Variants in MRPL42 observed in about 807,000 individuals in gnomAD.
The protein encoded by MRPL42 is large ribosomal subunit protein mL42.
Under a neutral mutation model 17.9 loss-of-function variants are expected in MRPL42, and 17 were observed. That is an observed-to-expected ratio of 0.95 (90% CI 0.65 to 1.42). The LOEUF (loss-of-function observed/expected upper bound fraction) is 1.42. Among genes scored for constraint, MRPL42 ranks in the 40% most tolerant of loss-of-function variants. MRPL42 has a pLI of 0.00. For missense variants in MRPL42, 177 were observed against 175.2 expected, an observed-to-expected ratio of 1.01 and a Z score of -0.06; for synonymous variants, 59 against 54.4, an observed-to-expected ratio of 1.08 and a Z score of -0.37.
Position 93,469,260 on chromosome 12 carries a change from C to G in MRPL42, c.-26C>G. 6.4e-7 allele frequency: 1 copy of G among 1,572,650 alleles called. No individual in the cohort carries two copies. Among genetic ancestry groups the G allele is most frequent in the Non-Finnish European group, 8.6e-7 (1 of 1,157,784 alleles). ...TCTCTTCAGAACATCTTTTTTCATA[C>G]CACTTGATAAGCATCTTGAAACACC... On this transcript the variant is annotated 5_prime_UTR_variant, in exon 2 of 6. Coordinates refer to ENST00000549982, the MANE Select transcript of MRPL42 (RefSeq NM_014050.4).
chr12:93,470,673 T>A, intron 2 of MRPL42: 1 of 609,214 alleles, frequency 1.6e-6, no homozygotes, highest in Non-Finnish European at 2.2e-6. Flanking sequence ...TGTCCATATG[T>A]ACCCAATGTT....
intron 4 of MRPL42, among the ~76,000 whole-genome samples, chr12:93,485,791 A>G (rs976823091): frequency 2.0e-5 from 3 of 152,026 alleles, no homozygotes; most frequent in Non-Finnish European, 4.4e-5. Context: ...ACCCTCCAAG[A>G]TAGTGATTCC....
rs1592790693 is a variant in MRPL42 at position 93,502,541 on chromosome 12, A to C, written c.*1320A>C. The C allele has an allele frequency of 6.6e-6, 1 of 152,186 alleles. No homozygotes were observed. The highest frequency in any genetic ancestry group is 1.9e-4 in the East Asian group (1 of 5,200). The allele number at this position is 152,186 out of a possible 1,614,324, so 9.4% of individuals were successfully genotyped here. On this transcript the variant is annotated 3_prime_UTR_variant, in exon 6 of 6. Coordinates refer to ENST00000549982, the MANE Select transcript of MRPL42 (RefSeq NM_014050.4). ...AGTGTGAGGAATAGAGAGTAAAGGA[A>C]ATAATTAATAATGGTGACCCTCTGT... is the stretch of plus-strand genomic sequence containing the variant.
chr12:93,472,754 A>T (rs10859495), intron 2 of MRPL42, among the ~76,000 whole-genome samples: 19,314 of 152,188 alleles, frequency 0.13, 1,546 homozygotes, highest in East Asian at 0.22. Flanking sequence ...AAAATTTCCC[A>T]AATGGTCAGT....
chr12:93,496,176 A>G (rs1459816310), intron 5 of MRPL42, among the ~76,000 whole-genome samples: 3 of 152,158 alleles, frequency 2.0e-5, no homozygotes, highest in Middle Eastern at 3.2e-3. Context: ...CTCCTGCCTC[A>G]GCCTCCCGAG....
chr12:93,500,136 A>G (rs1226150002), intron 5 of MRPL42, among the ~76,000 whole-genome samples: 1 of 152,204 alleles, frequency 6.6e-6, no homozygotes, highest in Admixed American at 6.6e-5. Context: ...CTCTATATCT[A>G]TACATAAGTT....
At chr12:93,499,979 G>A (rs369163876) in intron 5 of MRPL42, among the ~76,000 whole-genome samples, 1 of 152,104 alleles carries the variant, frequency 6.6e-6, no homozygotes, top group Non-Finnish European at 1.5e-5. Context: ...GGAAATTTTT[G>A]AACGTAACTC....
rs1328803908 is a variant in MRPL42 at position 93,485,020 on chromosome 12, A to G, written c.220-2477A>G. ...TATATATATATATATATATATATATATATATATAAACAGAGATGGGGGGTC... is the reference window on the plus strand; with the variant it reads ...TATATATATATATATATATATATATGTATATATAAACAGAGATGGGGGGTC... On this transcript the variant is annotated intron_variant, in intron 4 of 5. Transcript: ENST00000549982. Among the ~76,000 whole-genome samples, 3 of 130,016 alleles carry G rather than the reference A, an allele frequency of 2.3e-5. No individual in the cohort carries two copies. The Admixed American group carries it at 2.5e-4, about 11-fold the overall frequency. 85.3% of individuals were successfully genotyped at this position (130,016 alleles called of 152,430 possible).
chr12:93,487,819 C>T (rs1026026658), intron 5 of MRPL42, 159 bp downstream of exon 5: 1 of 605,804 alleles, frequency 1.7e-6, no homozygotes, highest in East Asian at 3.3e-5. Context: ...TTTTCTGAGA[C>T]AGGATCTCGC....
chr12:93,483,234 C>G (rs548130571), intron 4 of MRPL42, among the ~76,000 whole-genome samples: 108 of 152,318 alleles, frequency 7.1e-4, no homozygotes, highest in African/African-American at 2.5e-3. Context: ...GCTTGTCTCC[C>G]TTTCTACTTT....
rs1953715026 is a variant in MRPL42 at position 93,510,385 on chromosome 12, T to G, written c.*9164T>G. 6.6e-6 allele frequency: 1 copy of G among 152,242 alleles called. No individual in the cohort carries two copies. Among genetic ancestry groups the G allele is most frequent in the African/African-American group, 2.4e-5 (1 of 41,456 alleles). 9.4% of individuals were successfully genotyped at this position (152,242 alleles called of 1,614,324 possible). A position where few individuals can be genotyped will look rare whatever the true frequency, so the allele number is the denominator to read the frequency against. On this transcript the variant is annotated 3_prime_UTR_variant, in exon 6 of 6. Coordinates refer to ENST00000549982, the MANE Select transcript of MRPL42 (RefSeq NM_014050.4). ...GATTGCTTCCAAGTTTTGGCAATTA[T>G]GAATAAAATTGCTATAGATATCCAT...
At position 93,487,482 on chromosome 12, in the gene MRPL42, C is replaced by T; in HGVS notation, c.220-15C>T. ...TCCCACATCTTCATGATGTTTGTTA[C>T]TGATTATTTTGTAGCCTATCCCTCG... is the stretch of plus-strand genomic sequence containing the variant. On this transcript the variant is annotated splice_polypyrimidine_tract_variant and intron_variant, in intron 4 of 5. Coordinates refer to ENST00000549982, the MANE Select transcript of MRPL42 (RefSeq NM_014050.4). The T allele has an allele frequency of 6.2e-7, 1 of 1,600,016 alleles. No individual in the cohort carries two copies. The highest frequency in any genetic ancestry group is 8.5e-7 in the Non-Finnish European group (1 of 1,173,246).
At chr12:93,474,403 C>T (rs945792899) in intron 2 of MRPL42, among the ~76,000 whole-genome samples, 2 of 149,896 alleles carry the variant, frequency 1.3e-5, no homozygotes, top group Non-Finnish European at 3.0e-5. Flanking sequence ...CCTCGCAAAG[C>T]GCTGAGATTA....
intron 5 of MRPL42, among the ~76,000 whole-genome samples, chr12:93,496,662 A>AG (rs1953511645): frequency 6.6e-6 from 1 of 150,930 alleles, no homozygotes; most frequent in African/African-American, 2.4e-5. Flanking sequence ...AAAAAAAAAA[A>AG]AAAGGCAAGC....
chr12:93,508,127 G>A lies in MRPL42; in HGVS notation c.*6906G>A, dbSNP rs1047741049. 1.3e-5 allele frequency: 2 copies of A among 152,288 alleles called. No individual in the cohort carries two copies. The highest frequency in any genetic ancestry group is 2.1e-4 in the South Asian group (1 of 4,820). The allele number at this position is 152,288 out of a possible 1,614,324, so 9.4% of individuals were successfully genotyped here. A position where few individuals can be genotyped will look rare whatever the true frequency, so the allele number is the denominator to read the frequency against. On this transcript the variant is annotated 3_prime_UTR_variant, in exon 6 of 6. Coordinates refer to ENST00000549982, the MANE Select transcript of MRPL42 (RefSeq NM_014050.4). ...ACGCCCAGCTAATTTTGTATTTTTA[G>A]TAGAGATGGGTTTCTCCGTGTTGGT...
chr12:93,500,389 C>A lies in MRPL42; in HGVS notation c.384-787C>A, dbSNP rs1051632239. Among the ~76,000 whole-genome samples, 4 of 152,162 alleles carry A rather than the reference C, an allele frequency of 2.6e-5. No individual in the cohort carries two copies. In the East Asian group the frequency reaches 7.7e-4, roughly 29 times the overall value. ...GTCGGGTCTCATACTGCTAATTTCA[C>A]CACACCTGTGCTTGGATTGGGCATT... On this transcript the variant is annotated intron_variant, in intron 5 of 5. Transcript: ENST00000549982.
intron 5 of MRPL42, among the ~76,000 whole-genome samples, chr12:93,495,377 C>A (rs1953480635): frequency 1.3e-5 from 2 of 151,846 alleles, no homozygotes; most frequent in African/African-American, 4.8e-5. Context: ...AAGCATACTA[C>A]CATACCTGGC....
At chr12:93,474,578 G>A (rs1880070747) in intron 2 of MRPL42, among the ~76,000 whole-genome samples, 1 of 151,590 alleles carries the variant, frequency 6.6e-6, no homozygotes, top group South Asian at 2.1e-4. Flanking sequence ...GGGATTATAG[G>A]TGCATGCCAC....
rs528374098 is a variant in MRPL42 at position 93,474,152 on chromosome 12, GTC to G, written c.71-2800_71-2799del. Among the ~76,000 whole-genome samples the G allele has an allele frequency of 3.1e-5, 4 of 130,256 alleles. No individual in the cohort carries two copies. The South Asian group carries it at 7.4e-4, about 24-fold the overall frequency. 85.5% of individuals were successfully genotyped at this position (130,256 alleles called of 152,430 possible). Reference sequence around the variant, plus strand: ...GTTTCTTGTTAACTAAAATACTGTTGTCTTGAGTTTTCTTGTCTGCATATTTC... The same window carrying G: ...GTTTCTTGTTAACTAAAATACTGTTGTTGAGTTTTCTTGTCTGCATATTTC... On this transcript the variant is annotated intron_variant, in intron 2 of 5. Transcript: ENST00000549982.
Sources: gnomAD v4.1 joint callset for allele counts (sites outside exome capture counted in the v4.1 genomes callset) on GRCh38, gnomAD v4.1.1 for gene constraint, MANE v1.5 for transcripts, NCBI Gene and HGNC (gene_info 2026-07-23, HGNC 2026-07-21) for gene names.